The following IAPP variants were observed in gnomAD, a reference collection of about 807,000 sequenced individuals.
IAPP encodes Islet amyloid polypeptide (diabetes-associated peptide; amylin).
Under a neutral mutation model 2.9 loss-of-function variants are expected in IAPP, and 4 were observed. The ratio of observed to expected loss-of-function variants is 1.39; its 90% CI spans 0.69 to 3.19. The LOEUF (loss-of-function observed/expected upper bound fraction) is 3.19, where lower values mean the gene tolerates loss of function less well. Ranked by LOEUF, IAPP falls within the 30% of genes most tolerant of loss-of-function variation. The pLI is 0.01. For synonymous variants in IAPP, 40 were observed against 42.1 expected (o/e 0.95, Z 0.19); for missense variants, 114 against 105.3 (o/e 1.08, Z -0.36).
intron 1 of IAPP, among the ~76,000 whole-genome samples, chr12:21,362,979 AG>A (rs1207611245): frequency 6.6e-5 from 10 of 152,236 alleles, no homozygotes; most frequent in African/African-American, 2.4e-4. Flanking sequence ...AACATTAGAC[AG>A]ATCAACAAGA....
intron 1 of IAPP, among the ~76,000 whole-genome samples, chr12:21,365,012 C>T (rs1939258230): frequency 6.6e-6 from 1 of 152,158 alleles, no homozygotes; most frequent in African/African-American, 2.4e-5. Flanking sequence ...CATCAAGCTA[C>T]CAATGACTTT....
chr12:21,365,885 A>C (rs1275516496), intron 1 of IAPP, among the ~76,000 whole-genome samples: 3 of 152,200 alleles, frequency 2.0e-5, no homozygotes, highest in African/African-American at 7.2e-5. Context: ...CAATCATTAA[A>C]AAGTCAGGAA....
chr12:21,367,825 A>C (rs1355020319), intron 1 of IAPP, among the ~76,000 whole-genome samples: 10 of 152,144 alleles, frequency 6.6e-5, no homozygotes, highest in Non-Finnish European at 1.3e-4. Flanking sequence ...GACAAAGGAA[A>C]TCAAAATACA....
At chr12:21,371,639 G>A (rs1223479955), upstream of IAPP, among the ~76,000 whole-genome samples, 1 of 152,068 alleles carries the variant, frequency 6.6e-6, no homozygotes, top group African/African-American at 2.4e-5. Context: ...ACTGACAATT[G>A]AAATTTATTT....
intron 1 of IAPP, among the ~76,000 whole-genome samples, chr12:21,361,559 G>A (rs905761984): frequency 2.1e-4 from 32 of 152,216 alleles, no homozygotes; most frequent in African/African-American, 7.0e-4. Flanking sequence ...GTTGACAGAA[G>A]AAGGCTTCAG....
intron 1 of IAPP, among the ~76,000 whole-genome samples, chr12:21,362,870 T>C (rs953942801): frequency 6.6e-6 from 1 of 152,158 alleles, no homozygotes; most frequent in African/African-American, 2.4e-5. Flanking sequence ...ATGCATCCAA[T>C]ACAGGAGCAC....
rs144465370 is a variant in IAPP at position 21,378,324 on chromosome 12, T to C, written c.168T>C (p.Phe56=). 3.8e-4 allele frequency: 620 copies of C among 1,614,090 alleles called. No individual in the cohort carries two copies. The highest frequency in any genetic ancestry group is 4.9e-4 in the Non-Finnish European group (583 of 1,180,016). Residue 56 remains phenylalanine, a synonymous_variant, in exon 3 of 3, where the codon TTT becomes TTC. Coordinates refer to ENST00000240652, the MANE Select transcript of IAPP (RefSeq NM_000415.3). ...TTTTAGTTCATTCCAGCAACAACTTTGGTGCCATTCTCTCATCTACCAACG... is the reference window on the plus strand; with the variant it reads ...TTTTAGTTCATTCCAGCAACAACTTCGGTGCCATTCTCTCATCTACCAACG... ...ANFLVHSSNN[F]GAILSSTNVG...
chr12:21,375,345 T>C (rs1940113273), intron 2 of IAPP, among the ~76,000 whole-genome samples: 2 of 152,226 alleles, frequency 1.3e-5, no homozygotes, highest in South Asian at 4.1e-4. Context: ...TTTGTCATGC[T>C]GAGATGTTAA....
rs757204337 is a variant in IAPP, at chr12:21,378,206, C to G, written c.81-31C>G. The G allele has an allele frequency of 4.4e-6, 7 of 1,605,892 alleles. No homozygotes were observed. In the East Asian group the frequency reaches 1.6e-4, roughly 36 times the overall value. ...TGGATCCAGCTAAAATTCTAAGGCTCTAACTTTTCACATTTGTTCCATGTT... is the reference window on the plus strand; with the variant it reads ...TGGATCCAGCTAAAATTCTAAGGCTGTAACTTTTCACATTTGTTCCATGTT... On this transcript the variant is annotated intron_variant, in intron 2 of 2. Transcript: ENST00000240652.
rs763676184 is a variant in IAPP, at chr12:21,378,286, C to T, written c.130C>T (p.Arg44Cys). The T allele has an allele frequency of 3.6e-5, 58 of 1,614,016 alleles. No homozygotes were observed. In the East Asian group the frequency reaches 5.1e-4, roughly 14 times the overall value. Residue 44 changes from arginine to cysteine, a missense_variant, in exon 3 of 3, where the codon CGC becomes TGC. Coordinates refer to ENST00000240652, the MANE Select transcript of IAPP (RefSeq NM_000415.3). Reference protein sequence around the residue: ...KCNTATCATQRLANFLVHSSN... With the variant: ...KCNTATCATQCLANFLVHSSN... ...CAACACTGCCACATGTGCAACGCAG[C>T]GCCTGGCAAATTTTTTAGTTCATTC...
chr12:21,370,446 A>G (rs1939697402), upstream of IAPP, among the ~76,000 whole-genome samples: 2 of 150,720 alleles, frequency 1.3e-5, no homozygotes, highest in Non-Finnish European at 3.0e-5. Context: ...GTCATTTAAC[A>G]TTAGGTATAT....
upstream of IAPP, among the ~76,000 whole-genome samples, chr12:21,370,898 G>T (rs561089747): frequency 3.9e-5 from 6 of 152,236 alleles, no homozygotes; most frequent in South Asian, 8.3e-4. Flanking sequence ...AGCCCTCAAG[G>T]GTTCTTGGCT....
At chr12:21,364,230 A>G (rs1939184576) in intron 1 of IAPP, among the ~76,000 whole-genome samples, 1 of 152,216 alleles carries the variant, frequency 6.6e-6, no homozygotes, top group Non-Finnish European at 1.5e-5. Context: ...CTGGGATGCA[A>G]GGCTGGTTCA....
chr12:21,366,405 G>A (rs1468761086), intron 1 of IAPP, among the ~76,000 whole-genome samples: 1 of 151,198 alleles, frequency 6.6e-6, no homozygotes, highest in East Asian at 2.0e-4. Flanking sequence ...GCCGGGGGGT[G>A]GGCGGGGGAG....
chr12:21,376,662 TA>T lies in IAPP; in HGVS notation c.81-1565del, dbSNP rs141702135. Among the ~76,000 whole-genome samples, 8 of 148,186 alleles carry T rather than the reference TA, an allele frequency of 5.4e-5. No individual in the cohort carries two copies. The South Asian group carries it at 8.6e-4, about 16-fold the overall frequency. On this transcript the variant is annotated intron_variant, in intron 2 of 2. Coordinates refer to ENST00000240652, the MANE Select transcript of IAPP (RefSeq NM_000415.3). ...TAGGAAGAAATATGGGAGTAAAATTTAAAAAAAAAACAGTTTCACATGAGAT... is the reference window on the plus strand; with the variant it reads ...TAGGAAGAAATATGGGAGTAAAATTTAAAAAAAAACAGTTTCACATGAGAT...
At chr12:21,360,952 T>A (rs1452741437) in intron 1 of IAPP, among the ~76,000 whole-genome samples, 2 of 151,980 alleles carry the variant, frequency 1.3e-5, no homozygotes, top group Non-Finnish European at 2.9e-5. Flanking sequence ...AGACTCCACC[T>A]CTAGGGGCAG....
At chr12:21,369,304 C>A (rs1939616916), upstream of IAPP, among the ~76,000 whole-genome samples, 1 of 152,038 alleles carries the variant, frequency 6.6e-6, no homozygotes, top group Non-Finnish European at 1.5e-5. Context: ...GACTTGGAGT[C>A]ATTTACTTCT....
chr12:21,360,555 A>G (rs1938760862), intron 1 of IAPP, among the ~76,000 whole-genome samples: 1 of 152,222 alleles, frequency 6.6e-6, no homozygotes, highest in African/African-American at 2.4e-5. Context: ...GGCTTGCCAG[A>G]CAAGTGGGTG....
chr12:21,378,556 T>A lies in IAPP; in HGVS notation c.*130T>A. ...GATGTTTGTTGCTAGGACATATACC[T>A]TCTCAAAAGATTGTTTTATATGTAG... On this transcript the variant is annotated 3_prime_UTR_variant, in exon 3 of 3. Transcript: ENST00000240652. The A allele has an allele frequency of 1.4e-6, 1 of 735,166 alleles. No homozygotes were observed. The highest frequency in any genetic ancestry group is 2.3e-6 in the Non-Finnish European group (1 of 427,366). 45.5% of individuals were successfully genotyped at this position (735,166 alleles called of 1,614,324 possible).
Sources: allele counts gnomAD v4.1 joint callset (sites outside exome capture counted in the v4.1 genomes callset), GRCh38; gene constraint gnomAD v4.1.1; transcripts MANE v1.5; gene names NCBI Gene and HGNC (gene_info 2026-07-23, HGNC 2026-07-21).